RAPGEF5: variants seen among roughly 807,000 people sequenced by gnomAD.
RAPGEF5 encodes Rap guanine nucleotide exchange factor 5.
RAPGEF5 carries 65 observed loss-of-function variants against 125.2 expected under a neutral mutation model. That is an observed-to-expected ratio of 0.52 (90% confidence interval 0.43 to 0.64). The LOEUF is 0.64. RAPGEF5 is among the 30% of genes least tolerant of loss of function. The probability of loss-of-function intolerance (pLI) is 0.00; values close to 1 mark genes in which losing one functional copy is unlikely to be tolerated. For missense variants in RAPGEF5, 958 were observed against 1,048.1 expected, an observed-to-expected ratio of 0.91 and a Z score of 1.19; for synonymous variants, 391 against 385.9, an observed-to-expected ratio of 1.01 and a Z score of -0.16.
rs888207349 is a variant in RAPGEF5 at position 22,121,257 on chromosome 7, A to C, written c.*1149T>G. The C allele has an allele frequency of 1.3e-5, 2 of 151,936 alleles. No homozygotes were observed. The highest frequency in any genetic ancestry group is 4.8e-5 in the African/African-American group (2 of 41,354). 9.4% of individuals were successfully genotyped at this position (151,936 alleles called of 1,614,324 possible). A position where few individuals can be genotyped will look rare whatever the true frequency, so the allele number is the denominator to read the frequency against. On this transcript the variant is annotated 3_prime_UTR_variant, in exon 26 of 26. Coordinates refer to ENST00000665637, the MANE Select transcript of RAPGEF5 (RefSeq NM_012294.5). ...AAAAAAAAAAAAGGCAAATTATAGA[A>C]AGGCTCCCTGCTTTGGCTGGTAGTT... is the stretch of plus-strand genomic sequence containing the variant.
At chr7:22,217,030 C>T (rs904248762) in intron 9 of RAPGEF5, among the ~76,000 whole-genome samples, 6 of 152,162 alleles carry the variant, frequency 3.9e-5, no homozygotes, top group South Asian at 4.1e-4. Context: ...TACAAATTAG[C>T]TCTCTCTTTG....
intron 9 of RAPGEF5, among the ~76,000 whole-genome samples, chr7:22,207,641 T>A (rs1162473596): frequency 1.3e-5 from 2 of 152,250 alleles, no homozygotes; most frequent in Non-Finnish European, 2.9e-5. Flanking sequence ...AGTTGCTTGC[T>A]ACTTTACTCT....
chr7:22,161,891 T>C (rs894128336), intron 13 of RAPGEF5, among the ~76,000 whole-genome samples: 4 of 152,208 alleles, frequency 2.6e-5, no homozygotes, highest in Non-Finnish European at 5.9e-5. Context: ...CTCCAGATAA[T>C]CATCTGTGTT....
At chr7:22,295,404 T>C in intron 5 of RAPGEF5, among the ~76,000 whole-genome samples, 1 of 152,340 alleles carries the variant, frequency 6.6e-6, no homozygotes, top group Admixed American at 6.5e-5. Flanking sequence ...TTTTGAGGAT[T>C]TGAGTATTAA....
intron 1 of RAPGEF5, among the ~76,000 whole-genome samples, chr7:22,319,719 G>A (rs1056953100): frequency 1.4e-4 from 21 of 152,164 alleles, no homozygotes; most frequent in African/African-American, 5.1e-4. Context: ...CAAACAGGTA[G>A]ACTTTTAAAA....
intron 8 of RAPGEF5, among the ~76,000 whole-genome samples, chr7:22,229,881 TATCA>T (rs1456104793): frequency 2.0e-5 from 3 of 152,192 alleles, no homozygotes; most frequent in Non-Finnish European, 2.9e-5. Flanking sequence ...CTAATCTAAT[TATCA>T]ATCTACTGGT....
At chr7:22,341,742 C>G (rs1429324327) in intron 1 of RAPGEF5, among the ~76,000 whole-genome samples, 3 of 152,224 alleles carry the variant, frequency 2.0e-5, no homozygotes, top group African/African-American at 7.2e-5. Context: ...TCTTTTGACT[C>G]CATGTCTCAA....
chr7:22,161,085 G>C (rs1030623114), intron 13 of RAPGEF5, among the ~76,000 whole-genome samples: 1 of 151,242 alleles, frequency 6.6e-6, no homozygotes, highest in Non-Finnish European at 1.5e-5. Context: ...GCGGGCGCCT[G>C]TAATCCCCAG....
At chr7:22,157,004 C>T in intron 15 of RAPGEF5, 116 bp from the exon 16 acceptor site, 4 of 1,460,798 alleles carry the variant, frequency 2.7e-6, no homozygotes, top group Non-Finnish European at 3.6e-6. Context: ...ATATGAAATC[C>T]ACCCATCCAA....
At chr7:22,163,847 A>C (rs2128113186) in intron 12 of RAPGEF5, among the ~76,000 whole-genome samples, 1 of 152,336 alleles carries the variant, frequency 6.6e-6, no homozygotes, top group Admixed American at 6.5e-5. Flanking sequence ...CTAATATACA[A>C]TTGCAAAATT....
Position 22,154,195 on chromosome 7 carries a change from A to G in RAPGEF5, c.1786+260T>C, listed in dbSNP as rs372655875. Among the ~76,000 whole-genome samples the G allele has an allele frequency of 3.0e-4, 46 of 152,288 alleles. No individual in the cohort carries two copies. The East Asian group carries it at 7.5e-3, about 25-fold the overall frequency. On this transcript the variant is annotated intron_variant, in intron 17 of 25. Coordinates refer to ENST00000665637, the MANE Select transcript of RAPGEF5 (RefSeq NM_012294.5). ...AAATAGAAGGCTTATCTAGAGTACA[A>G]AATATGAAAAGCTTTATAATGTATT...
At chr7:22,168,956 C>T (rs1175746976) in intron 11 of RAPGEF5, among the ~76,000 whole-genome samples, 2 of 152,062 alleles carry the variant, frequency 1.3e-5, no homozygotes, top group Admixed American at 6.6e-5. Context: ...ATAATAAATT[C>T]GACAAATTTT....
intron 9 of RAPGEF5, among the ~76,000 whole-genome samples, chr7:22,198,424 C>T (rs1785202650): frequency 6.6e-6 from 1 of 152,184 alleles, no homozygotes; most frequent in Non-Finnish European, 1.5e-5. Flanking sequence ...GTTACATATA[C>T]ATCAGATCAG....
intron 6 of RAPGEF5, among the ~76,000 whole-genome samples, chr7:22,277,608 T>C (rs1782586306): frequency 6.6e-6 from 1 of 152,166 alleles, no homozygotes; most frequent in Non-Finnish European, 1.5e-5. Context: ...ATGCAGGTCA[T>C]TGACAGAATC....
chr7:22,193,328 T>C (rs1356218171), intron 11 of RAPGEF5, 39 bp downstream of exon 11: 1 of 1,547,846 alleles, frequency 6.5e-7, no homozygotes, highest in Admixed American at 2.0e-5. Context: ...GGGCATCAGC[T>C]GCTATCAGTC....
At chr7:22,340,825 G>A (rs1367754290) in intron 1 of RAPGEF5, among the ~76,000 whole-genome samples, 1 of 152,186 alleles carries the variant, frequency 6.6e-6, no homozygotes, top group African/African-American at 2.4e-5. Flanking sequence ...GGCAGATTTG[G>A]GCTCCTGTCC....
chr7:22,146,326 A>C (rs1783438386), intron 19 of RAPGEF5, among the ~76,000 whole-genome samples: 1 of 152,240 alleles, frequency 6.6e-6, no homozygotes, highest in Non-Finnish European at 1.5e-5. Flanking sequence ...AAATGTATTC[A>C]TGAATCGTCA....
intron 1 of RAPGEF5, among the ~76,000 whole-genome samples, chr7:22,322,805 C>T (rs1302392338): frequency 6.6e-6 from 1 of 152,192 alleles, no homozygotes; most frequent in African/African-American, 2.4e-5. Flanking sequence ...AGAATCTCTA[C>T]GAGGAGACCT....
intron 9 of RAPGEF5, among the ~76,000 whole-genome samples, chr7:22,194,941 C>T (rs1012770200): frequency 2.6e-5 from 4 of 152,168 alleles, no homozygotes; most frequent in African/African-American, 9.7e-5. Flanking sequence ...ACCCAGTAAG[C>T]GTACGGTAGC....
Sources: allele counts gnomAD v4.1 joint callset (sites outside exome capture counted in the v4.1 genomes callset), GRCh38; gene constraint gnomAD v4.1.1; transcripts MANE v1.5; gene names NCBI Gene and HGNC (gene_info 2026-07-23, HGNC 2026-07-21).